The following PRKN variants were observed in gnomAD, a reference collection of about 807,000 sequenced individuals.
PRKN encodes the protein parkin RBR E3 ubiquitin protein ligase, also known as E3 ubiquitin-protein ligase parkin.
Under a neutral mutation model 59.5 loss-of-function variants are expected in PRKN, and 56 were observed. That is an observed-to-expected ratio of 0.94 (90% confidence interval 0.76 to 1.18). The LOEUF (loss-of-function observed/expected upper bound fraction) is 1.18, where lower values mean the gene tolerates loss of function less well. Among genes scored for constraint, PRKN ranks in the 50% most tolerant of loss-of-function variants. The pLI, the probability that PRKN is intolerant of heterozygous loss-of-function variation, is 0.00. For missense variants in PRKN, 657 were observed against 596.4 expected, an observed-to-expected ratio of 1.10 and a Z score of -1.06; for synonymous variants, 250 against 222.1, an observed-to-expected ratio of 1.13 and a Z score of -1.12.
chr6:162,658,658 CAAAAA>C (rs57853171), intron 1 of PRKN, among the ~76,000 whole-genome samples: 1 of 109,112 alleles, frequency 9.2e-6, no homozygotes. Context: ...GAGACTCTGT[CAAAAA>C]AAAAAAAAAA....
At chr6:162,001,582 G>A (rs1219814106) in intron 5 of PRKN, among the ~76,000 whole-genome samples, 1 of 151,910 alleles carries the variant, frequency 6.6e-6, no homozygotes, top group Non-Finnish European at 1.5e-5. Context: ...CATATATAAT[G>A]ATGTCATCTG....
chr6:161,902,712 C>G (rs9355373), intron 6 of PRKN, among the ~76,000 whole-genome samples: 41,049 of 151,594 alleles, frequency 0.27, 5,728 homozygotes, highest in Middle Eastern at 0.35. Flanking sequence ...AGGAGCCTGC[C>G]ACCACGCCTA....
intron 2 of PRKN, among the ~76,000 whole-genome samples, chr6:162,284,756 T>C (rs984267363): frequency 1.3e-5 from 2 of 152,144 alleles, no homozygotes; most frequent in African/African-American, 4.8e-5. Context: ...AGACTAGCAG[T>C]TCATCTAGTT....
At chr6:161,633,716 T>C (rs1489987128) in intron 7 of PRKN, among the ~76,000 whole-genome samples, 1 of 152,180 alleles carries the variant, frequency 6.6e-6, no homozygotes, top group African/African-American at 2.4e-5. Context: ...ACTTCAGAGT[T>C]GTTTTTGGTT....
intron 4 of PRKN, among the ~76,000 whole-genome samples, chr6:162,140,512 A>ATG (rs906269812): frequency 1.3e-5 from 2 of 152,132 alleles, no homozygotes; most frequent in Non-Finnish European, 2.9e-5. Flanking sequence ...GTGTGTGTAT[A>ATG]TGTGTGTGTG....
chr6:162,619,708 A>AGT (rs199821160), intron 1 of PRKN, among the ~76,000 whole-genome samples: 9,434 of 54,404 alleles, frequency 0.17, 410 homozygotes, highest in East Asian at 0.44. Context: ...CACTTTTTCC[A>AGT]CTCACACACA....
At position 161,953,038 on chromosome 6, in the gene PRKN, T is replaced by C. The variant is rs56282568; in HGVS notation, c.734+20264A>G. Among the ~76,000 whole-genome samples, 1,284 of 152,306 alleles carry C rather than the reference T, an allele frequency of 8.4e-3. 18 individuals carry two copies. Among genetic ancestry groups the C allele is most frequent in the African/African-American group, 0.03 (1,245 of 41,554 alleles). On this transcript the variant is annotated intron_variant, in intron 6 of 11. Transcript: ENST00000366898. ...CTACACACAAATGTAATAATTGATA[T>C]GGAAAGACACTCTAAACAGAGTAAA...
rs141194787 is a variant in PRKN at position 161,461,758 on chromosome 6, TG to T, written c.1084-74882del. Reference sequence around the variant, plus strand: ...AAATATTGACATTTTACATTTGAAATGCTTATGAAAATTCCAAATGGAGGTA... The same window carrying T: ...AAATATTGACATTTTACATTTGAAATCTTATGAAAATTCCAAATGGAGGTA... On this transcript the variant is annotated intron_variant, in intron 9 of 11. Coordinates refer to ENST00000366898, the MANE Select transcript of PRKN (RefSeq NM_004562.3). The surrounding 1 kb of genome is among the most constrained non-coding windows in gnomAD (Gnocchi z 5.1). Among the ~76,000 whole-genome samples, 2,382 of 152,264 alleles carry T rather than the reference TG, an allele frequency of 0.016. 61 individuals are homozygous for T. Among genetic ancestry groups the T allele is most frequent in the African/African-American group, 0.052 (2,143 of 41,544 alleles).
intron 2 of PRKN, among the ~76,000 whole-genome samples, chr6:162,335,188 CTTTT>C (rs996271205): frequency 2.8e-5 from 4 of 145,012 alleles, no homozygotes; most frequent in Non-Finnish European, 6.0e-5. Flanking sequence ...TACTTTTTTT[CTTTT>C]TCTTTTTTTT....
At chr6:161,663,714 T>G (rs532519639) in intron 7 of PRKN, among the ~76,000 whole-genome samples, 4 of 152,344 alleles carry the variant, frequency 2.6e-5, no homozygotes, top group African/African-American at 9.6e-5. Context: ...TTTCACTTTA[T>G]GTATGATTTT....
In PRKN at chr6:162,443,296, C is replaced by G; in HGVS notation, c.171+14G>C. 1.2e-6 allele frequency: 2 copies of G among 1,612,106 alleles called. No individual in the cohort carries two copies. Among genetic ancestry groups the G allele is most frequent in the Non-Finnish European group, 1.7e-6 (2 of 1,179,954 alleles). On this transcript the variant is annotated intron_variant, in intron 2 of 11. Transcript: ENST00000366898. ...CTGGCGGCATCCCAAGAACGGCCGC[C>G]AAGGGAGACTCACCTGCACAGTCCA...
At position 161,548,251 on chromosome 6, in the gene PRKN, G is replaced by A. The variant is rs994343390; in HGVS notation, c.1083+603C>T. Among the ~76,000 whole-genome samples the A allele has an allele frequency of 6.6e-6, 1 of 152,216 alleles. No individual in the cohort carries two copies. The highest frequency in any genetic ancestry group is 1.5e-5 in the Non-Finnish European group (1 of 68,028). On this transcript the variant is annotated intron_variant, in intron 9 of 11. Coordinates refer to ENST00000366898, the MANE Select transcript of PRKN (RefSeq NM_004562.3). This position sits in a 1 kb window ranked among gnomAD's most constrained non-coding sequence, Gnocchi z 4.2. ...TCTTCCCCCCTTGAGCCATCAGCTT[G>A]CAGCCATAGATTCATTTGAAAAGCC...
intron 7 of PRKN, among the ~76,000 whole-genome samples, chr6:161,610,147 C>T (rs1046080638): frequency 6.6e-6 from 1 of 152,112 alleles, no homozygotes; most frequent in African/African-American, 2.4e-5. Context: ...TTCATCAACT[C>T]ATCCCAAAAG....
intron 4 of PRKN, among the ~76,000 whole-genome samples, chr6:162,162,752 G>A (rs1172018008): frequency 2.0e-5 from 3 of 151,978 alleles, no homozygotes; most frequent in Non-Finnish European, 4.4e-5. Context: ...GCTCATGCCT[G>A]TAATCCCAGC....
At position 161,388,002 on chromosome 6, in the gene PRKN, C is replaced by A. The variant is rs1027688371; in HGVS notation, c.1084-1125G>T. 6.6e-6 allele frequency among the ~76,000 whole-genome samples: 1 copy of A among 152,206 alleles called. No individual in the cohort carries two copies. ...AAGAAGAAAGCTGGAAGAGTGAATGCCAGAGAGGCTCGTTTAGGGCTGTCT... is the reference window on the plus strand; with the variant it reads ...AAGAAGAAAGCTGGAAGAGTGAATGACAGAGAGGCTCGTTTAGGGCTGTCT... On this transcript the variant is annotated intron_variant, in intron 9 of 11. Transcript: ENST00000366898. This position sits in a 1 kb window ranked among gnomAD's most constrained non-coding sequence, Gnocchi z 4.3.
chr6:162,057,583 A>C (rs1777917303), intron 4 of PRKN, among the ~76,000 whole-genome samples: 4 of 152,218 alleles, frequency 2.6e-5, no homozygotes, highest in South Asian at 2.1e-4. Flanking sequence ...TTCTGGCTTA[A>C]AGTGAGAAAT....
rs1204865524 is a variant in PRKN at position 161,530,757 on chromosome 6, A to G, written c.1083+18097T>C. On this transcript the variant is annotated intron_variant, in intron 9 of 11. Transcript: ENST00000366898. The surrounding 1 kb of genome is among the most constrained non-coding windows in gnomAD (Gnocchi z 5.0). ...AGTCTCGAACTCCTGACCTCAGGTG[A>G]TCCGCCCGTATTGGCCTCCCAAAGT... Among the ~76,000 whole-genome samples the G allele has an allele frequency of 2.6e-5, 4 of 151,630 alleles. No individual in the cohort carries two copies. Among genetic ancestry groups the G allele is most frequent in the Admixed American group, 2.0e-4 (3 of 15,238 alleles).
chr6:162,178,082 G>T (rs1783623556), intron 4 of PRKN, among the ~76,000 whole-genome samples: 1 of 152,164 alleles, frequency 6.6e-6, no homozygotes, highest in Admixed American at 6.5e-5. Flanking sequence ...ACACTGACAG[G>T]CTCTGAGTCT....
At chr6:162,383,613 G>A (rs756681987) in intron 2 of PRKN, among the ~76,000 whole-genome samples, 2 of 152,190 alleles carry the variant, frequency 1.3e-5, no homozygotes, top group South Asian at 4.1e-4. Context: ...TATCAGAATG[G>A]TAAATGAGCA....
Sources: allele counts gnomAD v4.1 joint callset (sites outside exome capture counted in the v4.1 genomes callset), GRCh38; gene constraint gnomAD v4.1.1; non-coding constraint Gnocchi (gnomAD v3.1); transcripts MANE v1.5; gene names NCBI Gene and HGNC (gene_info 2026-07-23, HGNC 2026-07-21).